The following DCBLD1 variants were observed in gnomAD, a reference collection of about 807,000 sequenced individuals.
The protein encoded by DCBLD1 is discoidin, CUB and LCCL domain containing 1, also known as discoidin, CUB and LCCL domain-containing protein 1.
In DCBLD1, 57 loss-of-function variants were observed where a neutral mutation model predicts 71.5. The observed-to-expected ratio is 0.80, with a 90% CI of 0.64 to 0.99. The LOEUF (loss-of-function observed/expected upper bound fraction) is 0.99. Among genes scored for constraint, DCBLD1 ranks in the 50% least tolerant of loss-of-function variants. The pLI is 0.00. For synonymous variants in DCBLD1, 380 were observed against 363.8 expected, an observed-to-expected ratio of 1.04 and a Z score of -0.51; for missense variants, 891 against 923.5, an observed-to-expected ratio of 0.96 and a Z score of 0.46.
intron 2 of DCBLD1, among the ~76,000 whole-genome samples, chr6:117,508,640 A>G (rs1214363437): frequency 6.6e-6 from 1 of 152,150 alleles, no homozygotes; most frequent in African/African-American, 2.4e-5. Flanking sequence ...ATTTGAATTT[A>G]CTCAGAGGTT....
intron 9 of DCBLD1, chr6:117,539,615 G>T: frequency 3.1e-6 from 1 of 320,442 alleles, no homozygotes; most frequent in Non-Finnish European, 5.6e-6. Flanking sequence ...TTACCCAAAT[G>T]TGGTGGTGCA....
intron 11 of DCBLD1, among the ~76,000 whole-genome samples, chr6:117,542,553 G>A (rs1338357043): frequency 6.6e-6 from 1 of 152,078 alleles, no homozygotes; most frequent in Non-Finnish European, 1.5e-5. Context: ...AGAAAGAGTT[G>A]CAGGAAAACA....
chr6:117,507,797 T>C (rs557114471), intron 2 of DCBLD1, among the ~76,000 whole-genome samples: 2 of 152,316 alleles, frequency 1.3e-5, no homozygotes, highest in East Asian at 3.9e-4. Context: ...TCCTTGTGAT[T>C]GAATTCAGAT....
chr6:117,508,329 C>T (rs1045272901), intron 2 of DCBLD1, among the ~76,000 whole-genome samples: 1 of 152,054 alleles, frequency 6.6e-6, no homozygotes, highest in Admixed American at 6.6e-5. Context: ...TCAGTTCCCC[C>T]CTCCCTCATT....
At chr6:117,509,281 G>A (rs1375160679) in intron 2 of DCBLD1, among the ~76,000 whole-genome samples, 2 of 151,990 alleles carry the variant, frequency 1.3e-5, no homozygotes, top group Admixed American at 1.3e-4. Flanking sequence ...AAAATACAAA[G>A]ATTAGCTGGG....
intron 1 of DCBLD1, among the ~76,000 whole-genome samples, chr6:117,497,569 A>G (rs532433646): frequency 6.6e-6 from 1 of 152,348 alleles, no homozygotes; most frequent in South Asian, 2.1e-4. Context: ...AGACCTATCC[A>G]TTAATTTCAG....
Position 117,532,245 on chromosome 6 carries a change from G to A in DCBLD1, c.586-15G>A, listed in dbSNP as rs777944366. ...GTTCTTTTAAGTTCTGCATAATGAT[G>A]TTGCTGTGTTTCAGACCTCTTTATT... On this transcript the variant is annotated splice_polypyrimidine_tract_variant and intron_variant, in intron 5 of 14. Transcript: ENST00000338728. 2.5e-6 allele frequency: 4 copies of A among 1,581,802 alleles called. No homozygotes were observed. The South Asian group carries it at 4.7e-5, about 19-fold the overall frequency.
intron 9 of DCBLD1, 136 bp downstream of exon 9, chr6:117,539,515 C>T: frequency 2.9e-6 from 3 of 1,051,554 alleles, no homozygotes; most frequent in South Asian, 1.9e-5. Flanking sequence ...CCTGTAATCC[C>T]CAAGCTTTGG....
chr6:117,488,775 CG>C (rs900152842), intron 1 of DCBLD1, among the ~76,000 whole-genome samples: 1 of 152,128 alleles, frequency 6.6e-6, no homozygotes, highest in Non-Finnish European at 1.5e-5. Flanking sequence ...TGATTTAGAC[CG>C]GGGGTCCCCT....
At chr6:117,560,011 G>A (rs1464648183) in intron 14 of DCBLD1, among the ~76,000 whole-genome samples, 2 of 152,110 alleles carry the variant, frequency 1.3e-5, no homozygotes, top group Admixed American at 1.3e-4. Context: ...TCATTTACAA[G>A]TATTTTCCAA....
At chr6:117,510,262 C>T (rs779241486) in intron 2 of DCBLD1, among the ~76,000 whole-genome samples, 14 of 151,994 alleles carry the variant, frequency 9.2e-5, no homozygotes, top group South Asian at 2.1e-4. Flanking sequence ...TTTTTACAGT[C>T]GTTGATGTTA....
chr6:117,529,966 C>T (rs1778661783), intron 5 of DCBLD1, among the ~76,000 whole-genome samples: 1 of 152,122 alleles, frequency 6.6e-6, no homozygotes, highest in African/African-American at 2.4e-5. Flanking sequence ...TCCTGTTGCT[C>T]GTTGGCCTGT....
chr6:117,530,399 T>C (rs1778675831), intron 5 of DCBLD1, among the ~76,000 whole-genome samples: 1 of 152,296 alleles, frequency 6.6e-6, no homozygotes, highest in South Asian at 2.1e-4. Flanking sequence ...CATGCGCAGT[T>C]GTCAGTAGGA....
In DCBLD1 at chr6:117,544,367, C is replaced by T. The variant is rs57891524; in HGVS notation, c.1446-161C>T. ...TGAGATAAATTTATAGATAATTCTA[C>T]ATATTTGTATGATTTTCTAAAGCAC... On this transcript the variant is annotated intron_variant, in intron 12 of 14. Transcript: ENST00000338728. 3.7e-3 allele frequency: 1,952 copies of T among 528,314 alleles called. 38 individuals carry two copies. Among genetic ancestry groups the T allele is most frequent in the African/African-American group, 0.035 (1,802 of 51,576 alleles). The allele number at this position is 528,314 out of a possible 1,614,324, so 32.7% of individuals were successfully genotyped here.
chr6:117,541,464 A>G (rs1040827808), intron 11 of DCBLD1, among the ~76,000 whole-genome samples: 2 of 152,232 alleles, frequency 1.3e-5, no homozygotes, highest in African/African-American at 4.8e-5. Context: ...TATTCATTCC[A>G]GTATCTCTAG....
intron 1 of DCBLD1, among the ~76,000 whole-genome samples, chr6:117,485,992 A>C (rs1238862339): frequency 2.0e-5 from 3 of 152,242 alleles, no homozygotes; most frequent in African/African-American, 4.8e-5. Flanking sequence ...GAGAAGAAAG[A>C]GGTTATGTTA....
intron 7 of DCBLD1, among the ~76,000 whole-genome samples, 200 bp from the exon 8 acceptor site, chr6:117,538,420 A>G (rs1463033682): frequency 1.3e-5 from 2 of 152,336 alleles, no homozygotes; most frequent in Admixed American, 1.3e-4. Flanking sequence ...AAAGAAAAGC[A>G]ATAACAGTTT....
chr6:117,502,450 CT>C (rs572892836), intron 1 of DCBLD1, among the ~76,000 whole-genome samples: 32 of 152,244 alleles, frequency 2.1e-4, no homozygotes, highest in Non-Finnish European at 2.2e-4. Context: ...GTTTTCAAAT[CT>C]TTTTCTTTTT....
intron 2 of DCBLD1, among the ~76,000 whole-genome samples, chr6:117,505,551 G>A (rs1307049223): frequency 6.6e-6 from 1 of 152,194 alleles, no homozygotes; most frequent in Non-Finnish European, 1.5e-5. Flanking sequence ...CACGTCAGAG[G>A]CTGAAGTGAC....
Sources: gnomAD v4.1 joint callset for allele counts (sites outside exome capture counted in the v4.1 genomes callset) on GRCh38, gnomAD v4.1.1 for gene constraint, MANE v1.5 for transcripts, NCBI Gene and HGNC (gene_info 2026-07-23, HGNC 2026-07-21) for gene names.